POMC: variants seen among roughly 807,000 people sequenced by gnomAD.
The protein encoded by POMC is pro-opiomelanocortin.
In POMC, 19 loss-of-function variants were observed where a neutral mutation model predicts 18.5. The ratio of observed to expected loss-of-function variants is 1.03; its 90% CI spans 0.72 to 1.51. The LOEUF is 1.51. POMC is among the 40% of genes most tolerant of loss of function. The pLI, the probability that POMC is intolerant of heterozygous loss-of-function variation, is 0.00. For missense variants in POMC, 451 were observed against 379.0 expected (o/e 1.19, Z -1.58); for synonymous variants, 179 against 161.9 (o/e 1.11, Z -0.80).
At chr2:25,167,631 C>A (rs573833188) in intron 1 of POMC, among the ~76,000 whole-genome samples, 3 of 152,226 alleles carry the variant, frequency 2.0e-5, no homozygotes, top group Non-Finnish European at 4.4e-5. Context: ...GTAATTGACC[C>A]AGTTATCATG....
chr2:25,164,755 G>A lies in POMC; in HGVS notation c.18C>T (p.Cys6=), dbSNP rs8192605. 7.2e-3 allele frequency: 11,634 copies of A among 1,614,006 alleles called. 59 individuals carry two copies. The highest frequency in any genetic ancestry group is 8.4e-3 in the Non-Finnish European group (9,903 of 1,180,040). The change falls in exon 2 of 3, where the codon TGC becomes TGT. Residue 6 remains cysteine, a synonymous_variant. Coordinates refer to ENST00000395826, the MANE Select transcript of POMC (RefSeq NM_000939.4). ...CCAGCAACAGGGCCCCCGAGCGGCT[G>A]CAGCACGATCTCGGCATCTTCCAGG... MPRSC[C]SRSGALLLAL...
At chr2:25,165,477 C>G (rs1671522429) in intron 1 of POMC, among the ~76,000 whole-genome samples, 1 of 152,188 alleles carries the variant, frequency 6.6e-6, no homozygotes, top group Non-Finnish European at 1.5e-5. Context: ...TGGAGAGCTT[C>G]GTTTTTAAAG....
intron 1 of POMC, 54 bp from the exon 2 acceptor site, chr2:25,164,846 G>A: frequency 6.3e-7 from 1 of 1,597,106 alleles, no homozygotes; most frequent in Non-Finnish European, 8.6e-7. Flanking sequence ...AACAATGTTG[G>A]CCACTCACCA....
At position 25,162,094 on chromosome 2, in the gene POMC, T is replaced by C. The variant is rs1671413418; in HGVS notation, c.133-342A>G. Among the ~76,000 whole-genome samples the C allele has an allele frequency of 2.0e-5, 3 of 152,340 alleles. No individual in the cohort carries two copies. The South Asian group carries it at 6.2e-4, about 32-fold the overall frequency. ...GAACAGGACCAAAGTCTTACTGTTA[T>C]ATGCCTGACATAAAGGAGTGGCTCC... On this transcript the variant is annotated intron_variant, in intron 2 of 2. Coordinates refer to ENST00000395826, the MANE Select transcript of POMC (RefSeq NM_000939.4).
chr2:25,162,450 C>G (rs932314693), intron 2 of POMC, among the ~76,000 whole-genome samples: 1 of 151,846 alleles, frequency 6.6e-6, no homozygotes, highest in Non-Finnish European at 1.5e-5. Flanking sequence ...GAGCAAGACT[C>G]CGTCTCAAAA....
In POMC at chr2:25,161,509, C is replaced by T. The variant is rs1671367252; in HGVS notation, c.376G>A (p.Asp126Asn). Residue 126 changes from aspartate to asparagine, a missense_variant, in exon 3 of 3, where the codon GAT becomes AAT. Physicochemically the swap from Asp to Asn is conservative, Grantham distance 23. Coordinates refer to ENST00000395826, the MANE Select transcript of POMC (RefSeq NM_000939.4). The surrounding 1 kb of genome is among the most constrained non-coding windows in gnomAD (Gnocchi z 5.7). ...TCGCGCGGGCCCGGCTTGGCACCAT[C>T]GCTGCGGGGCTCGGGGCCGCCCTCA... The part of the protein sequence containing the change: ...LPEGGPEPRS[D>N]GAKPGPREGK... The T allele has an allele frequency of 6.3e-7, 1 of 1,597,892 alleles. No homozygotes were observed. The highest frequency in any genetic ancestry group is 8.5e-7 in the Non-Finnish European group (1 of 1,172,800).
intron 2 of POMC, among the ~76,000 whole-genome samples, chr2:25,162,177 G>A (rs753495232): frequency 1.1e-4 from 17 of 152,198 alleles, no homozygotes; most frequent in Admixed American, 3.3e-4. Context: ...GGCCGGGCAC[G>A]GTGGCTCACA....
In POMC at chr2:25,164,761, C is replaced by G. The variant is rs773178150; in HGVS notation, c.12G>C (p.Ser4=). The change falls in exon 2 of 3, where the codon TCG becomes TCC. Residue 4 remains serine (S), a synonymous_variant. Transcript: ENST00000395826. MPR[S]CCSRSGALLL... Reference sequence around the variant, plus strand: ...ACAGGGCCCCCGAGCGGCTGCAGCACGATCTCGGCATCTTCCAGGCAGGCT... The same window carrying G: ...ACAGGGCCCCCGAGCGGCTGCAGCAGGATCTCGGCATCTTCCAGGCAGGCT... 6 of 1,613,906 alleles carry G rather than the reference C, an allele frequency of 3.7e-6. No homozygotes were observed. The highest frequency in any genetic ancestry group is 1.7e-5 in the Admixed American group (1 of 60,020).
Position 25,161,995 on chromosome 2 carries a change from T to C in POMC, c.133-243A>G, listed in dbSNP as rs868289506. On this transcript the variant is annotated intron_variant, in intron 2 of 2. Transcript: ENST00000395826. This position sits in a 1 kb window ranked among gnomAD's most constrained non-coding sequence, Gnocchi z 5.7. ...TTTTGTCCCATCCCCTTCATGCTTC[T>C]GCCTGGCAACTGCAACACACTTCCC... 3.9e-5 allele frequency among the ~76,000 whole-genome samples: 6 copies of C among 152,348 alleles called. No homozygotes were observed. The highest frequency in any genetic ancestry group is 1.4e-4 in the African/African-American group (6 of 41,576).
At position 25,164,559 on chromosome 2, in the gene POMC, C is replaced by T. The variant is rs564736300; in HGVS notation, c.132+82G>A. 105 of 1,602,426 alleles carry T rather than the reference C, an allele frequency of 6.6e-5. 1 individual carries two copies. In the South Asian group the frequency reaches 1.1e-3, roughly 17 times the overall value. On this transcript the variant is annotated intron_variant, in intron 2 of 2. Coordinates refer to ENST00000395826, the MANE Select transcript of POMC (RefSeq NM_000939.4). ...TATCACTGGGAATGAATTTCCCTTT[C>T]CCCACACCCTTTTCTTTTGAGCTTT...
Position 25,168,009 on chromosome 2 carries a change from C to G in POMC, c.-21+489G>C, listed in dbSNP as rs1671614135. Among the ~76,000 whole-genome samples, 1 of 152,284 alleles carries G rather than the reference C, an allele frequency of 6.6e-6. No homozygotes were observed. The highest frequency in any genetic ancestry group is 1.9e-4 in the East Asian group (1 of 5,180). On this transcript the variant is annotated intron_variant, in intron 1 of 2. Transcript: ENST00000395826. The surrounding 1 kb of genome is among the most constrained non-coding windows in gnomAD (Gnocchi z 5.2). ...TCTCTACTAAAAATACAAAAATTAGCCGGGCGTGGTGGCGCATGCCTGTAA... is the reference window on the plus strand; with the variant it reads ...TCTCTACTAAAAATACAAAAATTAGGCGGGCGTGGTGGCGCATGCCTGTAA...
Position 25,161,195 on chromosome 2 carries a change from G to C in POMC, c.690C>G (p.Ser230Arg). 6.2e-7 allele frequency: 1 copy of C among 1,613,630 alleles called. No individual in the cohort carries two copies. The highest frequency in any genetic ancestry group is 8.5e-7 in the Non-Finnish European group (1 of 1,179,990). Residue 230 changes from serine (S) to arginine (R), a missense_variant, in exon 3 of 3, where the codon AGC becomes AGG. By Grantham distance (110) the Ser-to-Arg change is moderately radical (BLOSUM62 -1). Transcript: ENST00000395826. The surrounding 1 kb of genome is among the most constrained non-coding windows in gnomAD (Gnocchi z 5.7). ...PYRMEHFRWGSPPKDKRYGGF... is the reference protein window; with the variant it reads ...PYRMEHFRWGRPPKDKRYGGF... ...CGCCGTAGCGCTTGTCCTTGGGCGG[G>C]CTGCCCCAGCGGAAGTGCTCCATCC...
intron 1 of POMC, chr2:25,165,821 C>G (rs1671536472): frequency 6.6e-6 from 1 of 152,318 alleles, no homozygotes; most frequent in Non-Finnish European, 1.5e-5. Flanking sequence ...CAGGTGGGCC[C>G]CCTGAAGCCA....
chr2:25,163,034 C>T (rs1671443950), intron 2 of POMC, among the ~76,000 whole-genome samples: 1 of 152,188 alleles, frequency 6.6e-6, no homozygotes, highest in Non-Finnish European at 1.5e-5. Flanking sequence ...AGGAAAATGG[C>T]TGCATAGGCT....
In POMC at chr2:25,161,264, G is replaced by C. The variant is rs377204800; in HGVS notation, c.621C>G (p.His207Gln). 6 of 1,612,176 alleles carry C rather than the reference G, an allele frequency of 3.7e-6. No individual in the cohort carries two copies. The African/African-American group carries it at 4.0e-5, about 11-fold the overall frequency. ...DGAGAQADLE[H>Q]SLLVAAEKKD... is the part of the protein sequence containing the mutation. ...TCTTCTCGGCCGCCACCAGCAGGCT[G>C]TGCTCCAGGTCGGCCTGGGCCCCTG... is the stretch of plus-strand genomic sequence containing the variant. Residue 207 changes from histidine to glutamine, a missense_variant, in exon 3 of 3, where the codon CAC becomes CAG. Physicochemically the swap from His to Gln is conservative, Grantham distance 24. Transcript: ENST00000395826. This position sits in a 1 kb window ranked among gnomAD's most constrained non-coding sequence, Gnocchi z 5.7.
At chr2:25,166,092 A>G (rs1671544110) in intron 1 of POMC, among the ~76,000 whole-genome samples, 1 of 152,176 alleles carries the variant, frequency 6.6e-6, no homozygotes, top group Admixed American at 6.5e-5. Flanking sequence ...AGTCCTCTGA[A>G]GCGCTGATTT....
intron 1 of POMC, among the ~76,000 whole-genome samples, chr2:25,166,697 T>C (rs1671568013): frequency 6.6e-6 from 1 of 152,316 alleles, no homozygotes; most frequent in Admixed American, 6.5e-5. Flanking sequence ...TGTTGTACAA[T>C]GTGGTAACAT....
At chr2:25,164,554 C>T in intron 2 of POMC, 87 bp downstream of exon 2, 2 of 1,592,624 alleles carry the variant, frequency 1.3e-6, no homozygotes, top group Non-Finnish European at 1.7e-6. Flanking sequence ...AATGAATTTC[C>T]CTTTCCCCAC....
Position 25,161,198 on chromosome 2 carries a change from G to A in POMC, c.687C>T (p.Gly229=), listed in dbSNP as rs1484728476. The A allele has an allele frequency of 1.9e-6, 3 of 1,613,694 alleles. No homozygotes were observed. Among genetic ancestry groups the A allele is most frequent in the Non-Finnish European group, 1.7e-6 (2 of 1,179,996 alleles). ...GPYRMEHFRW[G]SPPKDKRYGG... is the part of the protein sequence containing the mutation. ...CGTAGCGCTTGTCCTTGGGCGGGCT[G>A]CCCCAGCGGAAGTGCTCCATCCTGT... is the stretch of plus-strand genomic sequence containing the variant. The change falls in exon 3 of 3, where the codon GGC becomes GGT. Residue 229 remains glycine (G), a synonymous_variant. Transcript: ENST00000395826. The surrounding 1 kb of genome is among the most constrained non-coding windows in gnomAD (Gnocchi z 5.7).
Sources: gnomAD v4.1 joint callset for allele counts (sites outside exome capture counted in the v4.1 genomes callset) on GRCh38, gnomAD v4.1.1 for gene constraint, Gnocchi (gnomAD v3.1) non-coding constraint, MANE v1.5 for transcripts, NCBI Gene and HGNC (gene_info 2026-07-23, HGNC 2026-07-21) for gene names.